The following SGMS1 variants were observed in gnomAD, a reference collection of about 807,000 sequenced individuals.
The protein encoded by SGMS1 is phosphatidylcholine:ceramide cholinephosphotransferase 1.
Under a neutral mutation model 46.2 loss-of-function variants are expected in SGMS1, and 13 were observed. The ratio of observed to expected loss-of-function variants is 0.28; its 90% confidence interval spans 0.18 to 0.45. The LOEUF (loss-of-function observed/expected upper bound fraction) is 0.45. Among genes scored for constraint, SGMS1 ranks in the 20% least tolerant of loss-of-function variants. The pLI is 1.00. For missense variants in SGMS1, 324 were observed against 519.9 expected, an observed-to-expected ratio of 0.62 and a Z score of 3.66; for synonymous variants, 203 against 187.8, an observed-to-expected ratio of 1.08 and a Z score of -0.66.
intron 6 of SGMS1, among the ~76,000 whole-genome samples, chr10:50,414,048 T>C (rs1378714579): frequency 6.6e-6 from 1 of 152,242 alleles, no homozygotes; most frequent in Non-Finnish European, 1.5e-5. Flanking sequence ...TACACTAAGG[T>C]GAAGACGCCT....
At chr10:50,390,356 T>C (rs1273709799) in intron 6 of SGMS1, among the ~76,000 whole-genome samples, 1 of 152,264 alleles carries the variant, frequency 6.6e-6, no homozygotes, top group East Asian at 1.9e-4. Flanking sequence ...TTTTCTTTTA[T>C]GCTTTACTGA....
intron 6 of SGMS1, among the ~76,000 whole-genome samples, chr10:50,386,840 T>C (rs1589418817): frequency 6.6e-6 from 1 of 152,278 alleles, no homozygotes; most frequent in East Asian, 1.9e-4. Context: ...GTGATGATAA[T>C]AGCTAACACG....
chr10:50,620,143 T>G (rs932566490), intron 1 of SGMS1, among the ~76,000 whole-genome samples: 1 of 152,232 alleles, frequency 6.6e-6, no homozygotes, highest in African/African-American at 2.4e-5. Context: ...CCGCCCACCC[T>G]TCTCTTTCCC....
At chr10:50,345,399 A>G (rs986685178) in intron 6 of SGMS1, among the ~76,000 whole-genome samples, 2 of 152,226 alleles carry the variant, frequency 1.3e-5, no homozygotes, top group Admixed American at 1.3e-4. Context: ...GGCAGTCTGC[A>G]TAGAAGAGTT....
intron 2 of SGMS1, among the ~76,000 whole-genome samples, chr10:50,521,294 A>G (rs942085163): frequency 6.6e-6 from 1 of 152,016 alleles, no homozygotes; most frequent in Non-Finnish European, 1.5e-5. Context: ...TTAACCATTC[A>G]CTCACTGTCC....
intron 6 of SGMS1, among the ~76,000 whole-genome samples, chr10:50,381,160 AC>A (rs1321506553): frequency 9.2e-5 from 14 of 152,172 alleles, no homozygotes; most frequent in South Asian, 2.1e-4. Context: ...AAACAAACAA[AC>A]AAACAAATAC....
chr10:50,338,417 A>G (rs529160377), intron 7 of SGMS1, among the ~76,000 whole-genome samples: 221 of 152,326 alleles, frequency 1.5e-3, no homozygotes, highest in African/African-American at 5.0e-3. Context: ...TAGAAAACAC[A>G]TATCAAGATA....
In SGMS1 at chr10:50,375,937, T is replaced by A. The variant is rs1848516207; in HGVS notation, c.-231-31592A>T. On this transcript the variant is annotated intron_variant, in intron 6 of 10. Transcript: ENST00000361781. ...GACTCAAACTCCTGGATTCAAGCAA[T>A]TCTCCTGCCTCAGCCTCCGGAGTAG... Among the ~76,000 whole-genome samples, 5 of 152,178 alleles carry A rather than the reference T, an allele frequency of 3.3e-5. No homozygotes were observed. In the South Asian group the frequency reaches 1.0e-3, roughly 32 times the overall value.
At chr10:50,345,299 T>C (rs951737601) in intron 6 of SGMS1, among the ~76,000 whole-genome samples, 1 of 152,068 alleles carries the variant, frequency 6.6e-6, no homozygotes, top group African/African-American at 2.4e-5. Flanking sequence ...GATCCCACAG[T>C]TTAAAAATTA....
Position 50,306,980 on chromosome 10 carries a change from A to G in SGMS1, c.*162T>C. The G allele has an allele frequency of 1.5e-6, 1 of 676,496 alleles. No individual in the cohort carries two copies. Among genetic ancestry groups the G allele is most frequent in the South Asian group, 2.3e-5 (1 of 43,022 alleles). 41.9% of individuals were successfully genotyped at this position (676,496 alleles called of 1,614,324 possible). On this transcript the variant is annotated 3_prime_UTR_variant, in exon 11 of 11. Coordinates refer to ENST00000361781, the MANE Select transcript of SGMS1 (RefSeq NM_147156.4). The stretch of plus-strand genomic sequence containing the variant: ...TTGTTGTCCAACGCAGGTCCTTTGG[A>G]GAGAAAAAAAGATCACAGTGCTGAC...
intron 6 of SGMS1, among the ~76,000 whole-genome samples, chr10:50,430,470 CAA>C (rs10625082): frequency 2.2e-5 from 3 of 136,274 alleles, no homozygotes; most frequent in African/African-American, 2.7e-5. Flanking sequence ...TGGCAGAATA[CAA>C]AAAAAAAAAA....
intron 6 of SGMS1, among the ~76,000 whole-genome samples, chr10:50,412,837 G>A (rs554076427): frequency 1.3e-5 from 2 of 152,276 alleles, no homozygotes; most frequent in Admixed American, 1.3e-4. Flanking sequence ...ATAAGAAATA[G>A]ATGACTCTTG....
chr10:50,516,161 TA>T (rs572573136), intron 3 of SGMS1, among the ~76,000 whole-genome samples: 4 of 151,612 alleles, frequency 2.6e-5, no homozygotes, highest in Admixed American at 6.6e-5. Context: ...GAATAATAAT[TA>T]AAAAAAAACT....
At chr10:50,497,551 G>A in intron 3 of SGMS1, among the ~76,000 whole-genome samples, 1 of 152,196 alleles carries the variant, frequency 6.6e-6, no homozygotes, top group Non-Finnish European at 1.5e-5. Flanking sequence ...CCAGCACTTT[G>A]GGAGGCCGAG....
chr10:50,309,173 TG>T (rs1271479059), intron 9 of SGMS1, among the ~76,000 whole-genome samples: 1 of 151,986 alleles, frequency 6.6e-6, no homozygotes, highest in Non-Finnish European at 1.5e-5. Flanking sequence ...GTATAGGGAG[TG>T]AAGGGCAGTT....
At chr10:50,384,329 C>T (rs2133484645) in intron 6 of SGMS1, among the ~76,000 whole-genome samples, 1 of 152,126 alleles carries the variant, frequency 6.6e-6, no homozygotes, top group African/African-American at 2.4e-5. Context: ...TAAATAATAT[C>T]AACCTCAGAT....
intron 3 of SGMS1, among the ~76,000 whole-genome samples, chr10:50,500,220 A>G (rs1482760806): frequency 6.6e-6 from 1 of 152,142 alleles, no homozygotes; most frequent in Non-Finnish European, 1.5e-5. Flanking sequence ...TCTGTTGTAG[A>G]TTTCCTGGGT....
intron 6 of SGMS1, among the ~76,000 whole-genome samples, chr10:50,373,405 T>A (rs948571819): frequency 6.6e-6 from 1 of 152,214 alleles, no homozygotes; most frequent in East Asian, 1.9e-4. Flanking sequence ...GTTCAATTTT[T>A]CAAAATTCTG....
At chr10:50,338,093 A>G (rs1454911359) in intron 7 of SGMS1, among the ~76,000 whole-genome samples, 1 of 152,086 alleles carries the variant, frequency 6.6e-6, no homozygotes, top group Non-Finnish European at 1.5e-5. Context: ...TGTGGTCATC[A>G]TTTTTCTTCT....
Sources: allele counts gnomAD v4.1 joint callset (sites outside exome capture counted in the v4.1 genomes callset), GRCh38; gene constraint gnomAD v4.1.1; transcripts MANE v1.5; gene names NCBI Gene and HGNC (gene_info 2026-07-23, HGNC 2026-07-21).